The following ARHGAP15 variants were observed in gnomAD, a reference collection of about 807,000 sequenced individuals.
ARHGAP15 encodes Rho GTPase activating protein 15.
ARHGAP15 carries 51 observed loss-of-function variants against 63.7 expected under a neutral mutation model. The observed-to-expected ratio is 0.80, with a 90% CI of 0.64 to 1.01. The LOEUF (loss-of-function observed/expected upper bound fraction) is 1.01. Among genes scored for constraint, ARHGAP15 ranks in the 50% least tolerant of loss-of-function variants. The pLI is 0.00. For missense variants in ARHGAP15, 560 were observed against 564.6 expected (o/e 0.99, Z 0.08); for synonymous variants, 191 against 193.8 (o/e 0.99, Z 0.12).
intron 8 of ARHGAP15, among the ~76,000 whole-genome samples, chr2:143,446,644 T>A (rs886064603): frequency 1.3e-5 from 2 of 152,006 alleles, no homozygotes; most frequent in African/African-American, 4.8e-5. Flanking sequence ...CTTTTTTTTT[T>A]TTATTTAAGT....
intron 13 of ARHGAP15, among the ~76,000 whole-genome samples, chr2:143,765,734 C>CT (rs1157179143): frequency 6.6e-6 from 1 of 152,036 alleles, no homozygotes; most frequent in Non-Finnish European, 1.5e-5. Flanking sequence ...GGCCCAGTTA[C>CT]TAGGGCCAGG....
At chr2:143,630,150 G>T (rs1220072331) in intron 12 of ARHGAP15, among the ~76,000 whole-genome samples, 1 of 151,970 alleles carries the variant, frequency 6.6e-6, no homozygotes, top group East Asian at 1.9e-4. Context: ...GGAGTTTTAG[G>T]TTAGAAATAA....
chr2:143,383,011 A>G (rs1687125231), intron 6 of ARHGAP15, among the ~76,000 whole-genome samples: 1 of 152,228 alleles, frequency 6.6e-6, no homozygotes, highest in African/African-American at 2.4e-5. Flanking sequence ...ATCAAGTACC[A>G]GTAACACTAG....
chr2:143,456,268 T>C (rs906581648), intron 8 of ARHGAP15, among the ~76,000 whole-genome samples: 1 of 152,124 alleles, frequency 6.6e-6, no homozygotes, highest in African/African-American at 2.4e-5. Context: ...AGACCAAATA[T>C]AACAGTCCAT....
At chr2:143,151,199 A>G (rs1377782430) in intron 1 of ARHGAP15, among the ~76,000 whole-genome samples, 1 of 151,952 alleles carries the variant, frequency 6.6e-6, no homozygotes, top group East Asian at 1.9e-4. Flanking sequence ...CTGGGGTATG[A>G]GGGTTTCTTT....
intron 13 of ARHGAP15, among the ~76,000 whole-genome samples, chr2:143,752,804 G>A (rs758760320): frequency 1.2e-4 from 18 of 152,216 alleles, no homozygotes; most frequent in South Asian, 2.1e-4. Context: ...TGTCAAAGTC[G>A]TCCCACAGTG....
At chr2:143,442,977 T>C (rs576865287) in intron 8 of ARHGAP15, among the ~76,000 whole-genome samples, 2 of 152,276 alleles carry the variant, frequency 1.3e-5, no homozygotes, top group East Asian at 1.9e-4. Context: ...CCTATTTTCC[T>C]CCAAAACCAA....
chr2:143,495,718 A>G (rs894609731), intron 9 of ARHGAP15, among the ~76,000 whole-genome samples: 10 of 152,270 alleles, frequency 6.6e-5, no homozygotes, highest in Admixed American at 3.3e-4. Context: ...GAGTTAAGAG[A>G]AAAGTGTTTT....
At chr2:143,502,985 CGATCAGA>C (rs140829236) in intron 9 of ARHGAP15, among the ~76,000 whole-genome samples, 3,638 of 152,266 alleles carry the variant, frequency 0.024, 90 homozygotes, top group African/African-American at 0.063. Flanking sequence ...CCATGGACAT[CGATCAGA>C]GATCTGCTAG....
chr2:143,364,250 A>G (rs1209347972), intron 6 of ARHGAP15, among the ~76,000 whole-genome samples: 2 of 152,158 alleles, frequency 1.3e-5, no homozygotes, highest in Non-Finnish European at 2.9e-5. Flanking sequence ...AAACTAACAG[A>G]TATCATCTGA....
intron 6 of ARHGAP15, among the ~76,000 whole-genome samples, chr2:143,257,387 T>G (rs1016744089): frequency 6.6e-6 from 1 of 152,116 alleles, no homozygotes; most frequent in Non-Finnish European, 1.5e-5. Context: ...AAAAGTCAAC[T>G]TGGCTTCTTC....
intron 11 of ARHGAP15, among the ~76,000 whole-genome samples, chr2:143,571,572 A>T (rs1559057163): frequency 6.6e-6 from 1 of 152,164 alleles, no homozygotes; most frequent in Non-Finnish European, 1.5e-5. Flanking sequence ...CATCCATGGG[A>T]TTCTAAAAAG....
intron 10 of ARHGAP15, among the ~76,000 whole-genome samples, chr2:143,540,132 TA>T (rs1694976708): frequency 6.6e-6 from 1 of 152,206 alleles, no homozygotes; most frequent in Non-Finnish European, 1.5e-5. Context: ...TACCATTATG[TA>T]ATGGCCTTCT....
chr2:143,266,591 T>C (rs574871363), intron 6 of ARHGAP15, among the ~76,000 whole-genome samples: 8 of 152,336 alleles, frequency 5.3e-5, no homozygotes, highest in African/African-American at 1.9e-4. Flanking sequence ...TAAGTTTACT[T>C]ATTAAAAATG....
intron 12 of ARHGAP15, among the ~76,000 whole-genome samples, chr2:143,671,138 G>A (rs1245705802): frequency 6.6e-6 from 1 of 152,126 alleles, no homozygotes; most frequent in East Asian, 1.9e-4. Context: ...GTATGAACAA[G>A]GTTCATGCAA....
chr2:143,423,636 T>A (rs148755634), intron 6 of ARHGAP15, among the ~76,000 whole-genome samples: 5 of 152,118 alleles, frequency 3.3e-5, no homozygotes, highest in African/African-American at 1.2e-4. Context: ...CTTTCCGGAA[T>A]AGGCAGTGTC....
At chr2:143,230,778 T>C (rs927673409) in intron 5 of ARHGAP15, among the ~76,000 whole-genome samples, 63 of 152,188 alleles carry the variant, frequency 4.1e-4, no homozygotes, top group Non-Finnish European at 7.3e-5. Flanking sequence ...CAGGCCTTGA[T>C]TAAAGATGCT....
chr2:143,384,340 T>C (rs1558935416), intron 6 of ARHGAP15, among the ~76,000 whole-genome samples: 1 of 152,108 alleles, frequency 6.6e-6, no homozygotes, highest in Non-Finnish European at 1.5e-5. Flanking sequence ...AAAAAGACGA[T>C]GCAAATTAAA....
rs1289849834 is a variant in ARHGAP15, at chr2:143,512,406, T to C, written c.827-6860T>C. On this transcript the variant is annotated intron_variant, in intron 9 of 13. Coordinates refer to ENST00000295095, the MANE Select transcript of ARHGAP15 (RefSeq NM_018460.4). ...TGGAGTCAACACTACCCAAAACAAA[T>C]GGCAGCAAAATGAGAAAGGACCATC... 2.0e-5 allele frequency among the ~76,000 whole-genome samples: 3 copies of C among 152,252 alleles called. No homozygotes were observed. The East Asian group carries it at 5.8e-4, about 29-fold the overall frequency.
Sources: gnomAD v4.1 joint callset for allele counts (sites outside exome capture counted in the v4.1 genomes callset) on GRCh38, gnomAD v4.1.1 for gene constraint, MANE v1.5 for transcripts, NCBI Gene and HGNC (gene_info 2026-07-23, HGNC 2026-07-21) for gene names.